SPATA18: variants seen among roughly 807,000 people sequenced by gnomAD.
SPATA18 encodes the protein mitochondria-eating protein.
A neutral mutation model predicts 68.1 loss-of-function variants in SPATA18; 54 were observed. That is an observed-to-expected ratio of 0.79 (90% confidence interval 0.64 to 0.99). The LOEUF (loss-of-function observed/expected upper bound fraction) is 0.99, where lower values mean the gene tolerates loss of function less well. Among genes scored for constraint, SPATA18 ranks in the 50% least tolerant of loss-of-function variants. The pLI, the probability that SPATA18 is intolerant of heterozygous loss-of-function variation, is 0.00. For missense variants in SPATA18, 724 were observed against 681.1 expected, an observed-to-expected ratio of 1.06 and a Z score of -0.70; for synonymous variants, 242 against 244.8, an observed-to-expected ratio of 0.99 and a Z score of 0.11.
intron 11 of SPATA18, 89 bp downstream of exon 11, chr4:52,085,088 A>C: frequency 9.7e-7 from 1 of 1,029,288 alleles, no homozygotes; most frequent in Non-Finnish European, 1.5e-6. Context: ...AGAGGTGATT[A>C]TAAGTCTACA....
At chr4:52,063,224 A>G (rs1474738699) in intron 4 of SPATA18, among the ~76,000 whole-genome samples, 2 of 152,206 alleles carry the variant, frequency 1.3e-5, no homozygotes, top group Non-Finnish European at 2.9e-5. Context: ...TTCCCTGATG[A>G]CATTTCCATT....
chr4:52,090,148 TC>T, intron 11 of SPATA18, among the ~76,000 whole-genome samples: 1 of 152,190 alleles, frequency 6.6e-6, no homozygotes, highest in Non-Finnish European at 1.5e-5. Context: ...TATTCTCCCA[TC>T]CCTTTATTTT....
intron 6 of SPATA18, among the ~76,000 whole-genome samples, chr4:52,073,816 G>C (rs56832688): frequency 0.024 from 3,671 of 152,226 alleles, 154 homozygotes; most frequent in East Asian, 0.2. Flanking sequence ...TGGCTTGTTT[G>C]AAAATTTCTT....
Position 52,084,050 on chromosome 4 carries a change from C to CAA in SPATA18, c.1480-852_1480-851dup, listed in dbSNP as rs34421319. Among the ~76,000 whole-genome samples the CAA allele has an allele frequency of 2.4e-3, 312 of 129,424 alleles. 1 individual carries two copies. The highest frequency in any genetic ancestry group is 9.4e-3 in the African/African-American group (301 of 31,948). 84.9% of individuals were successfully genotyped at this position (129,424 alleles called of 152,430 possible). A position where few individuals can be genotyped will look rare whatever the true frequency, so the allele number is the denominator to read the frequency against. The stretch of plus-strand genomic sequence containing the variant: ...CACCACACCCGGCCTGAGATCCTGT[C>CAA]AAAAAAAAAAAAAAAGATATTGAGT... On this transcript the variant is annotated intron_variant, in intron 10 of 12. Coordinates refer to ENST00000295213, the MANE Select transcript of SPATA18 (RefSeq NM_145263.4).
chr4:52,093,459 T>C (rs1257882574), intron 11 of SPATA18, among the ~76,000 whole-genome samples: 1 of 152,246 alleles, frequency 6.6e-6, no homozygotes, highest in Admixed American at 6.5e-5. Flanking sequence ...GTCATGCATC[T>C]GGCACAATCC....
intron 3 of SPATA18, 79 bp downstream of exon 3, chr4:52,060,976 G>T: frequency 8.4e-7 from 1 of 1,188,330 alleles, no homozygotes; most frequent in East Asian, 2.4e-5. Flanking sequence ...AGAAGAAGAG[G>T]ACTTGATTTT....
chr4:52,059,005 A>G (rs1471267573), intron 1 of SPATA18, among the ~76,000 whole-genome samples: 1 of 152,234 alleles, frequency 6.6e-6, no homozygotes, highest in East Asian at 1.9e-4. Flanking sequence ...GATATAATAA[A>G]TACAAAGTGA....
At chr4:52,085,157 G>A (rs957131288) in intron 11 of SPATA18, among the ~76,000 whole-genome samples, 158 bp downstream of exon 11, 2 of 151,820 alleles carry the variant, frequency 1.3e-5, no homozygotes, top group Non-Finnish European at 2.9e-5. Flanking sequence ...ATACTACTGT[G>A]GGCTAAATAA....
chr4:52,082,991 A>T (rs1195963416), intron 10 of SPATA18: 2 of 985,234 alleles, frequency 2.0e-6, no homozygotes, highest in Admixed American at 1.2e-4. Flanking sequence ...AGGGCAGAGG[A>T]GGTGGGAGAG....
rs978143435 is a variant in SPATA18, at chr4:52,072,020, C to A, written c.622C>A (p.Arg208Ser). ...SEPWSLEERKREQWNSLKQNA... is the reference protein window; with the variant it reads ...SEPWSLEERKSEQWNSLKQNA... ...GCCTTGGAGCTTGGAGGAGCGGAAG[C>A]GTGAGCAGTGGAACTCACTCAAGCA... is the stretch of plus-strand genomic sequence containing the variant. Residue 208 changes from arginine (R) to serine (S), a missense_variant, in exon 6 of 13, where the codon CGT (arginine) becomes AGT (serine). Transcript: ENST00000295213. 6.2e-7 allele frequency: 1 copy of A among 1,613,860 alleles called. No individual in the cohort carries two copies. The highest frequency in any genetic ancestry group is 1.3e-5 in the African/African-American group (1 of 74,938).
Position 52,084,981 on chromosome 4 carries a change from C to T in SPATA18, c.1545C>T (p.Ser515=). 6.2e-7 allele frequency: 1 copy of T among 1,613,276 alleles called. No homozygotes were observed. Among genetic ancestry groups the T allele is most frequent in the Non-Finnish European group, 8.5e-7 (1 of 1,179,766 alleles). ...SRSLSPICPR[S]QIGLNTMSRS... Reference sequence around the variant, plus strand: ...GTTTAAGTCCCATTTGCCCCCGTAGCCAAATTGGTTTAAACACGGTACATA... The same window carrying T: ...GTTTAAGTCCCATTTGCCCCCGTAGTCAAATTGGTTTAAACACGGTACATA... The change falls in exon 11 of 13, where the codon AGC becomes AGT. Residue 515 remains serine, a synonymous_variant. Transcript: ENST00000295213.
chr4:52,079,849 G>A lies in SPATA18; in HGVS notation c.1285G>A (p.Ala429Thr), dbSNP rs1275353296. 1.2e-6 allele frequency: 2 copies of A among 1,613,728 alleles called. No individual in the cohort carries two copies. Among genetic ancestry groups the A allele is most frequent in the Non-Finnish European group, 1.7e-6 (2 of 1,179,854 alleles). Reference protein sequence around the residue: ...FIQEICCIAFAMQALEPPLDI... With the variant: ...FIQEICCIAFTMQALEPPLDI... ...CCAGGAGATATGTTGCATTGCCTTT[G>A]CAATGCAGGCCTTAGAACCACCCCT... The change falls in exon 9 of 13, where the codon GCA becomes ACA. Residue 429 changes from alanine to threonine, a missense_variant. Physicochemically the swap from Ala to Thr is moderately conservative, Grantham distance 58. Coordinates refer to ENST00000295213, the MANE Select transcript of SPATA18 (RefSeq NM_145263.4).
chr4:52,085,273 T>C (rs939895057), intron 11 of SPATA18, among the ~76,000 whole-genome samples: 13 of 152,326 alleles, frequency 8.5e-5, no homozygotes, highest in African/African-American at 2.6e-4. Flanking sequence ...TGAAATGGGC[T>C]ATTAGAGATC....
intron 6 of SPATA18, among the ~76,000 whole-genome samples, chr4:52,075,635 AT>A (rs1340263650): frequency 1.3e-5 from 2 of 152,148 alleles, no homozygotes; most frequent in African/African-American, 4.8e-5. Flanking sequence ...CTCCTGAGTG[AT>A]TTCTTGTAAT....
intron 9 of SPATA18, among the ~76,000 whole-genome samples, chr4:52,082,059 C>G (rs553440453): frequency 6.6e-6 from 1 of 152,298 alleles, no homozygotes; most frequent in African/African-American, 2.4e-5. Flanking sequence ...TCCACAAAGA[C>G]AGCATGAAAA....
At chr4:52,057,835 T>G (rs1738482344) in intron 1 of SPATA18, among the ~76,000 whole-genome samples, 1 of 152,232 alleles carries the variant, frequency 6.6e-6, no homozygotes, top group African/African-American at 2.4e-5. Flanking sequence ...GGGCGTGTAT[T>G]ATTTTGATTT....
At position 52,095,021 on chromosome 4, in the gene SPATA18, CAGAG is replaced by C. The variant is rs1223886202; in HGVS notation, c.*137_*140del. 1.9e-6 allele frequency: 2 copies of C among 1,045,246 alleles called. No individual in the cohort carries two copies. Among genetic ancestry groups the C allele is most frequent in the East Asian group, 4.8e-5 (2 of 41,844 alleles). 64.7% of individuals were successfully genotyped at this position (1,045,246 alleles called of 1,614,324 possible). On this transcript the variant is annotated 3_prime_UTR_variant, in exon 13 of 13. Transcript: ENST00000295213. ...AGGCAATTCTGTGTATCACCCCACA[CAGAG>C]AGTTAAATGTTTTGGCTTGGCGCAT...
In SPATA18 at chr4:52,088,692, T is replaced by C. The variant is rs376598071; in HGVS notation, c.1563+3693T>C. On this transcript the variant is annotated intron_variant, in intron 11 of 12. Coordinates refer to ENST00000295213, the MANE Select transcript of SPATA18 (RefSeq NM_145263.4). ...TGCTGGATTCAGTTTGCCAGTATTT[T>C]ATTGAGGATTTTTGCATCGATGTTC... Among the ~76,000 whole-genome samples the C allele has an allele frequency of 2.9e-4, 44 of 152,328 alleles. 1 individual carries two copies. In the South Asian group the frequency reaches 8.7e-3, roughly 30 times the overall value.
At position 52,069,807 on chromosome 4, in the gene SPATA18, G is replaced by A. The variant is rs746273834; in HGVS notation, c.423-14G>A. On this transcript the variant is annotated splice_polypyrimidine_tract_variant and intron_variant, in intron 4 of 12. Transcript: ENST00000295213. ...TTTGAAAAATCTATCTTTAGTTACT[G>A]ATTTATCTTACAGTCTGGTTGAAAC... 1.0e-5 allele frequency: 16 copies of A among 1,546,114 alleles called. No individual in the cohort carries two copies. The African/African-American group carries it at 1.2e-4, about 12-fold the overall frequency.
Sources: gnomAD v4.1 joint callset for allele counts (sites outside exome capture counted in the v4.1 genomes callset) on GRCh38, gnomAD v4.1.1 for gene constraint, MANE v1.5 for transcripts, NCBI Gene and HGNC (gene_info 2026-07-23, HGNC 2026-07-21) for gene names.